Variants in DENND4C observed in about 807,000 individuals in gnomAD.
DENND4C encodes the protein DENN domain-containing protein 4C.
A neutral mutation model predicts 203.0 loss-of-function variants in DENND4C; 108 were observed. The observed-to-expected ratio is 0.53, with a 90% confidence interval of 0.46 to 0.62. The LOEUF (loss-of-function observed/expected upper bound fraction) is 0.62, where lower values mean the gene tolerates loss of function less well. Among genes scored for constraint, DENND4C ranks in the 20% least tolerant of loss-of-function variants. The probability of loss-of-function intolerance (pLI) is 0.00; values close to 1 mark genes in which losing one functional copy is unlikely to be tolerated. For missense variants in DENND4C, 2,481 were observed against 2,301.2 expected (o/e 1.08, Z -1.60); for synonymous variants, 871 against 792.4 (o/e 1.10, Z -1.67).
chr9:19,278,074 CTTTTTTTTT>C (rs34167347), intron 2 of DENND4C, among the ~76,000 whole-genome samples: 28 of 120,294 alleles, frequency 2.3e-4, no homozygotes, highest in Non-Finnish European at 3.4e-4. Flanking sequence ...CCTTTTTTTT[CTTTTTTTTT>C]TTTTTTTGAA....
chr9:19,351,369 G>A (rs925665981), intron 24 of DENND4C, among the ~76,000 whole-genome samples: 3 of 152,178 alleles, frequency 2.0e-5, no homozygotes, highest in East Asian at 1.9e-4. Context: ...CCTTGGGAAT[G>A]TGTATTTTTA....
At chr9:19,255,414 AAAT>A (rs1261975619) in intron 1 of DENND4C, among the ~76,000 whole-genome samples, 1 of 48,974 alleles carries the variant, frequency 2.0e-5, no homozygotes, top group African/African-American at 5.2e-5. Flanking sequence ...CCAAAAAAAA[AAAT>A]TTTTTTTTAA....
At chr9:19,237,212 G>C (rs1822191416) in intron 1 of DENND4C, among the ~76,000 whole-genome samples, 2 of 151,676 alleles carry the variant, frequency 1.3e-5, no homozygotes, top group African/African-American at 4.8e-5. Flanking sequence ...AGTAGAGATG[G>C]GGTTTCACCA....
intron 12 of DENND4C, among the ~76,000 whole-genome samples, chr9:19,317,784 A>G (rs553909834): frequency 2.0e-5 from 3 of 152,364 alleles, no homozygotes; most frequent in Admixed American, 6.5e-5. Flanking sequence ...CATATTTTAC[A>G]CAGTTTTAAT....
chr9:19,306,958 A>G (rs920802838), intron 10 of DENND4C, among the ~76,000 whole-genome samples: 2 of 151,662 alleles, frequency 1.3e-5, no homozygotes, highest in African/African-American at 4.8e-5. Context: ...ATTTTTTTGT[A>G]TTTTTAGTAG....
At chr9:19,281,255 T>C (rs1443977079) in intron 2 of DENND4C, among the ~76,000 whole-genome samples, 1 of 152,214 alleles carries the variant, frequency 6.6e-6, no homozygotes, top group Non-Finnish European at 1.5e-5. Context: ...ATTTTTGTTA[T>C]GGTAGTTTAT....
chr9:19,327,112 A>C (rs546779704), intron 15 of DENND4C, among the ~76,000 whole-genome samples: 36 of 152,218 alleles, frequency 2.4e-4, no homozygotes, highest in Admixed American at 1.0e-3. Flanking sequence ...ATTAAATACT[A>C]TTTTGATTTC....
rs777550924 is a variant in DENND4C at position 19,357,028 on chromosome 9, T to C, written c.4838T>C (p.Leu1613Ser). ...GDSLQSGSIP[L>S]ANESLEHKPV... is the part of the protein sequence containing the mutation. The stretch of plus-strand genomic sequence containing the variant: ...AGTTTACAAAGTGGAAGCATTCCAT[T>C]GGCAAATGAATCCTTGGAGCACAAA... The change falls in exon 27 of 33, where the codon TTG (leucine) becomes TCG (serine). Residue 1613 changes from leucine (L) to serine (S), a missense_variant. Around this residue, in one of 3 missense-constraint regions of DENND4C, gnomAD observed 2,289 missense variants for 2,113.3 expected, o/e 1.08. Transcript: ENST00000434457. 9 of 1,613,994 alleles carry C rather than the reference T, an allele frequency of 5.6e-6. No individual in the cohort carries two copies. In the East Asian group the frequency reaches 2.0e-4, roughly 36 times the overall value.
At chr9:19,325,809 T>A in intron 13 of DENND4C, 130 bp from the exon 14 acceptor site, 1 of 820,140 alleles carries the variant, frequency 1.2e-6, no homozygotes, top group East Asian at 2.6e-5. Flanking sequence ...CCTAAAAATA[T>A]ACTGTGCATG....
chr9:19,265,498 C>T (rs564553485), intron 1 of DENND4C, among the ~76,000 whole-genome samples: 14 of 151,900 alleles, frequency 9.2e-5, no homozygotes, highest in African/African-American at 3.4e-4. Context: ...TACATGTGCA[C>T]AACATGCAGG....
chr9:19,285,591 T>TTTC (rs397811600), intron 2 of DENND4C, among the ~76,000 whole-genome samples: 1 of 151,670 alleles, frequency 6.6e-6, no homozygotes, highest in South Asian at 2.1e-4. Flanking sequence ...TTTTTTTTTT[T>TTTC]CACTTAACAT....
chr9:19,246,390 C>A (rs532538682), intron 1 of DENND4C, among the ~76,000 whole-genome samples: 2 of 152,228 alleles, frequency 1.3e-5, no homozygotes, highest in Non-Finnish European at 2.9e-5. Flanking sequence ...GCTAAGAAGA[C>A]TATGTAATCT....
At chr9:19,298,490 G>A (rs1053643400) in intron 7 of DENND4C, among the ~76,000 whole-genome samples, 4 of 152,048 alleles carry the variant, frequency 2.6e-5, no homozygotes, top group Non-Finnish European at 5.9e-5. Flanking sequence ...ATTTAAACAA[G>A]GTCTATAATA....
chr9:19,348,069 G>A (rs575691569), intron 23 of DENND4C, among the ~76,000 whole-genome samples: 3 of 152,094 alleles, frequency 2.0e-5, no homozygotes, highest in African/African-American at 2.4e-5. Context: ...GTTTGCTCTC[G>A]TTATTTAACA....
Position 19,326,153 on chromosome 9 carries a change from G to A in DENND4C, c.2079G>A (p.Glu693=), listed in dbSNP as rs1457608057. Residue 693 remains glutamate (E), a synonymous_variant, in exon 15 of 33, where the codon GAG becomes GAA. Coordinates refer to ENST00000434457, the MANE Select transcript of DENND4C (RefSeq NM_001330640.2). ...SEHTVFIMPP[E]PPPDDGKDLS... is the part of the protein sequence containing the mutation. ...ATACTGTATTTATAATGCCGCCAGAGCCACCTCCTGATGATGGAAAGGACC... is the reference window on the plus strand; with the variant it reads ...ATACTGTATTTATAATGCCGCCAGAACCACCTCCTGATGATGGAAAGGACC... 6.2e-7 allele frequency: 1 copy of A among 1,613,354 alleles called. No individual in the cohort carries two copies. Among genetic ancestry groups the A allele is most frequent in the African/African-American group, 1.3e-5 (1 of 75,024 alleles).
At position 19,372,988 on chromosome 9, in the gene DENND4C, A is replaced by C. The variant is rs913858643; in HGVS notation, c.*815A>C. 1.3e-5 allele frequency: 2 copies of C among 152,162 alleles called. No individual in the cohort carries two copies. Among genetic ancestry groups the C allele is most frequent in the Non-Finnish European group, 2.9e-5 (2 of 68,030 alleles). 9.4% of individuals were successfully genotyped at this position (152,162 alleles called of 1,614,324 possible). Reference sequence around the variant, plus strand: ...TTATTAAAATAGATTGCATGTTGCAATACGGTTTTCTGAAAGGGGTCTCAT... The same window carrying C: ...TTATTAAAATAGATTGCATGTTGCACTACGGTTTTCTGAAAGGGGTCTCAT... On this transcript the variant is annotated 3_prime_UTR_variant, in exon 33 of 33. Transcript: ENST00000434457.
chr9:19,256,770 A>T (rs896220350), intron 1 of DENND4C, among the ~76,000 whole-genome samples: 4 of 152,064 alleles, frequency 2.6e-5, no homozygotes, highest in African/African-American at 4.8e-5. Flanking sequence ...AATATTTTTT[A>T]AAAAAGGAAA....
At position 19,373,280 on chromosome 9, in the gene DENND4C, A is replaced by G. The variant is rs920382365; in HGVS notation, c.*1107A>G. On this transcript the variant is annotated 3_prime_UTR_variant, in exon 33 of 33. Coordinates refer to ENST00000434457, the MANE Select transcript of DENND4C (RefSeq NM_001330640.2). ...ATCCTCTTCCCAATGTTAATTTGCAATAGTTTTAAAATGGGAACAAATGAA... is the reference window on the plus strand; with the variant it reads ...ATCCTCTTCCCAATGTTAATTTGCAGTAGTTTTAAAATGGGAACAAATGAA... The G allele has an allele frequency of 1.4e-4, 21 of 152,490 alleles. No individual in the cohort carries two copies. Among genetic ancestry groups the G allele is most frequent in the African/African-American group, 3.8e-4 (16 of 41,578 alleles). The allele number at this position is 152,490 out of a possible 1,614,324, so 9.4% of individuals were successfully genotyped here. A position where few individuals can be genotyped will look rare whatever the true frequency, so the allele number is the denominator to read the frequency against.
At chr9:19,252,862 A>G (rs1294069352) in intron 1 of DENND4C, among the ~76,000 whole-genome samples, 2 of 152,004 alleles carry the variant, frequency 1.3e-5, no homozygotes, top group Admixed American at 6.6e-5. Flanking sequence ...CAGCCTTCCA[A>G]GTATCTAGGA....
Sources: allele counts gnomAD v4.1 joint callset (sites outside exome capture counted in the v4.1 genomes callset), GRCh38; gene constraint gnomAD v4.1.1; regional missense constraint gnomAD v4.1.1; transcripts MANE v1.5; gene names NCBI Gene and HGNC (gene_info 2026-07-23, HGNC 2026-07-21).